SOX6: variants seen among roughly 807,000 people sequenced by gnomAD.
The protein encoded by SOX6 is SRY-box transcription factor 6.
A neutral mutation model predicts 97.8 loss-of-function variants in SOX6; 11 were observed. The observed-to-expected ratio is 0.11, with a 90% confidence interval of 0.07 to 0.19. SOX6 has a LOEUF of 0.19. Among genes scored for constraint, SOX6 ranks in the 10% least tolerant of loss-of-function variants. The pLI, the probability that SOX6 is intolerant of heterozygous loss-of-function variation, is 1.00. For missense variants in SOX6, 810 were observed against 1,039.5 expected (o/e 0.78, Z 3.04); for synonymous variants, 360 against 371.4 (o/e 0.97, Z 0.35).
intron 1 of SOX6, among the ~76,000 whole-genome samples, chr11:16,343,900 A>G (rs1458366941): frequency 6.6e-6 from 1 of 151,862 alleles, no homozygotes; most frequent in Admixed American, 6.6e-5. Context: ...TGCAAATAAA[A>G]CACAAGCTGC....
intron 1 of SOX6, among the ~76,000 whole-genome samples, chr11:16,457,989 A>G (rs1480480107): frequency 6.6e-6 from 1 of 152,076 alleles, no homozygotes; most frequent in Non-Finnish European, 1.5e-5. Flanking sequence ...GGTGATGATA[A>G]TGATGATGAC....
chr11:16,421,501 A>T (rs1454548218), intron 1 of SOX6, among the ~76,000 whole-genome samples: 1 of 152,186 alleles, frequency 6.6e-6, no homozygotes, highest in African/African-American at 2.4e-5. Context: ...GTGTGAACAA[A>T]GCCAACTTCA....
intron 9 of SOX6, among the ~76,000 whole-genome samples, chr11:16,075,719 A>C (rs1416617185): frequency 6.6e-6 from 1 of 152,166 alleles, no homozygotes; most frequent in Non-Finnish European, 1.5e-5. Flanking sequence ...ATGAGTTGAT[A>C]CATGCAGCTA....
At chr11:16,138,594 C>T (rs796433275) in intron 6 of SOX6, among the ~76,000 whole-genome samples, 9 of 151,758 alleles carry the variant, frequency 5.9e-5, no homozygotes, top group African/African-American at 2.2e-4. Context: ...TACATGTGCA[C>T]AATGTGCAGG....
At chr11:16,283,716 G>C (rs1248098462) in intron 3 of SOX6, 1 of 228,986 alleles carries the variant, frequency 4.4e-6, no homozygotes, top group Non-Finnish European at 8.7e-6. Context: ...CTCAAGTGAA[G>C]GACACAAACA....
intron 4 of SOX6, among the ~76,000 whole-genome samples, chr11:16,513,437 A>G (rs1236814278): frequency 6.6e-6 from 1 of 152,062 alleles, no homozygotes; most frequent in Non-Finnish European, 1.5e-5. Flanking sequence ...GTTTGAGACC[A>G]GCCTGGCCAA....
intron 4 of SOX6, among the ~76,000 whole-genome samples, chr11:16,232,094 A>G (rs1417590765): frequency 6.6e-6 from 1 of 151,874 alleles, no homozygotes; most frequent in African/African-American, 2.4e-5. Flanking sequence ...TTGAGATATA[A>G]TATTAAATAC....
At chr11:16,540,366 A>T (rs1861385951) in intron 4 of SOX6, among the ~76,000 whole-genome samples, 1 of 152,164 alleles carries the variant, frequency 6.6e-6, no homozygotes. Flanking sequence ...CCAATATCAT[A>T]CTGAATGGGC....
At chr11:16,226,930 C>A (rs751135174) in intron 4 of SOX6, among the ~76,000 whole-genome samples, 2 of 152,124 alleles carry the variant, frequency 1.3e-5, no homozygotes, top group Non-Finnish European at 2.9e-5. Context: ...GCTCCCACTG[C>A]AGAATTCAAA....
At chr11:16,196,642 T>C (rs1289804014) in intron 4 of SOX6, among the ~76,000 whole-genome samples, 2 of 152,074 alleles carry the variant, frequency 1.3e-5, no homozygotes, top group Non-Finnish European at 2.9e-5. Context: ...TCCTCTTCCA[T>C]ACTCACTGTC....
At chr11:16,127,613 A>G (rs934322242) in intron 6 of SOX6, among the ~76,000 whole-genome samples, 2 of 152,146 alleles carry the variant, frequency 1.3e-5, no homozygotes, top group Admixed American at 1.3e-4. Context: ...CCACTCTCAA[A>G]CATGTCATTA....
At chr11:16,051,418 T>C (rs2133915572) in intron 10 of SOX6, among the ~76,000 whole-genome samples, 1 of 152,276 alleles carries the variant, frequency 6.6e-6, no homozygotes, top group Non-Finnish European at 1.5e-5. Flanking sequence ...AAAATAAGTC[T>C]ATTGTTTGAT....
At chr11:16,688,674 C>A (rs574844577) in intron 3 of SOX6, among the ~76,000 whole-genome samples, 3 of 152,204 alleles carry the variant, frequency 2.0e-5, no homozygotes, top group Admixed American at 6.5e-5. Flanking sequence ...GCTTTTTGAA[C>A]ATATAGAATA....
intron 1 of SOX6, among the ~76,000 whole-genome samples, chr11:16,363,337 T>C (rs555049575): frequency 6.6e-6 from 1 of 152,254 alleles, no homozygotes; most frequent in Admixed American, 6.5e-5. Context: ...AATCTGAAAA[T>C]TTTTGAGCTC....
At chr11:15,981,755 C>T (rs181698315) in intron 15 of SOX6, among the ~76,000 whole-genome samples, 3 of 152,088 alleles carry the variant, frequency 2.0e-5, no homozygotes, top group East Asian at 1.9e-4. Context: ...ATGTTCAAAT[C>T]ACTTATAGTA....
chr11:16,217,311 A>G (rs182489666), intron 4 of SOX6, among the ~76,000 whole-genome samples: 70 of 152,284 alleles, frequency 4.6e-4, no homozygotes, highest in Non-Finnish European at 4.4e-5. Flanking sequence ...TTTGAACAGT[A>G]GAGGTGGTTT....
At chr11:16,332,961 T>C (rs890988242) in intron 2 of SOX6, among the ~76,000 whole-genome samples, 5 of 152,134 alleles carry the variant, frequency 3.3e-5, no homozygotes, top group African/African-American at 4.8e-5. Flanking sequence ...ACATATTCAT[T>C]ATAGGTGTTC....
chr11:16,209,512 T>G (rs1852162844), intron 4 of SOX6, among the ~76,000 whole-genome samples: 2 of 152,098 alleles, frequency 1.3e-5, no homozygotes, highest in African/African-American at 4.8e-5. Flanking sequence ...TCCCAGCACT[T>G]TGGGAGGCCG....
At position 16,318,625 on chromosome 11, in the gene SOX6, A is replaced by T. The variant is rs777228207; in HGVS notation, c.266T>A (p.Leu89Gln). The T allele has an allele frequency of 1.2e-6, 2 of 1,613,316 alleles. No individual in the cohort carries two copies. Among genetic ancestry groups the T allele is most frequent in the Non-Finnish European group, 1.7e-6 (2 of 1,179,436 alleles). ...MESENNKLCS[L>Q]YSFRNTSTSP... is the part of the protein sequence containing the mutation. The stretch of plus-strand genomic sequence containing the variant: ...GGTAGAGGTATTTCGGAAGGAATAT[A>T]GGGAACATAACTTATTATTCTCTGA... Residue 89 changes from leucine to glutamine, a missense_variant, in exon 3 of 16, where the codon CTA becomes CAA. Physicochemically the swap from Leu to Gln is moderately radical, Grantham distance 113. Transcript: ENST00000683767.
Sources: allele counts gnomAD v4.1 joint callset (sites outside exome capture counted in the v4.1 genomes callset), GRCh38; gene constraint gnomAD v4.1.1; transcripts MANE v1.5; gene names NCBI Gene and HGNC (gene_info 2026-07-23, HGNC 2026-07-21).